The following FAT3 variants were observed in gnomAD, a reference collection of about 807,000 sequenced individuals.
The protein encoded by FAT3 is FAT atypical cadherin 3, also known as protocadherin Fat 3.
A neutral mutation model predicts 310.2 loss-of-function variants in FAT3; 95 were observed. That is an observed-to-expected ratio of 0.31 (90% CI 0.26 to 0.36). FAT3 has a LOEUF of 0.36. Among genes scored for constraint, FAT3 ranks in the 10% least tolerant of loss-of-function variants. FAT3 has a pLI of 1.00. For synonymous variants in FAT3, 2,314 were observed against 2,192.9 expected (o/e 1.06, Z -1.54); for missense variants, 5,408 against 5,715.6 (o/e 0.95, Z 1.74).
At chr11:92,723,033 C>T (rs1288307808) in intron 4 of FAT3, among the ~76,000 whole-genome samples, 1 of 152,214 alleles carries the variant, frequency 6.6e-6, no homozygotes, top group Non-Finnish European at 1.5e-5. Context: ...TAACATTCAG[C>T]TCCTTGTTGC....
At chr11:92,774,207 G>A in intron 7 of FAT3, 27 bp downstream of exon 7, 2 of 1,582,290 alleles carry the variant, frequency 1.3e-6, no homozygotes, top group Non-Finnish European at 1.7e-6. Context: ...CTGAATAGCA[G>A]GAATGCTGAA....
rs12224019 is a variant in FAT3, at chr11:92,264,166, T to A, written c.-18+38992T>A. ...TTGTTGACTTTGGCTAATTTAATGA[T>A]ATAAATGATAAATAATAGAAATCAG... On this transcript the variant is annotated intron_variant, in intron 1 of 27. Coordinates refer to ENST00000525166, the MANE Select transcript of FAT3 (RefSeq NM_001367949.2). Among the ~76,000 whole-genome samples, 60 of 152,218 alleles carry A rather than the reference T, an allele frequency of 3.9e-4. 1 individual carries two copies. The East Asian group carries it at 7.2e-3, about 18-fold the overall frequency.
intron 1 of FAT3, among the ~76,000 whole-genome samples, chr11:92,249,004 A>G (rs184249852): frequency 1.6e-3 from 236 of 152,254 alleles, no homozygotes; most frequent in African/African-American, 5.2e-3. Context: ...CTAGAATCCA[A>G]TATTCTAACA....
intron 1 of FAT3, among the ~76,000 whole-genome samples, chr11:92,293,066 AAGGAAGGAAG>A (rs1946736475): frequency 6.9e-6 from 1 of 143,910 alleles, no homozygotes; most frequent in Non-Finnish European, 1.5e-5. Context: ...GGAAGGAAGG[AAGGAAGGAAG>A]GAAAGAAGGA....
chr11:92,633,069 T>A (rs1407110184), intron 3 of FAT3, among the ~76,000 whole-genome samples: 1 of 152,216 alleles, frequency 6.6e-6, no homozygotes, highest in Non-Finnish European at 1.5e-5. Flanking sequence ...AGTGGTATGT[T>A]CCTGGTTCTT....
chr11:92,485,157 GTAGACAA>G (rs1301758333), intron 2 of FAT3, among the ~76,000 whole-genome samples: 2 of 152,226 alleles, frequency 1.3e-5, no homozygotes, highest in Non-Finnish European at 1.5e-5. Flanking sequence ...ATGTGCCGTG[GTAGACAA>G]TAATGTAATG....
Position 92,762,079 on chromosome 11 carries a change from G to A in FAT3, c.3893G>A (p.Gly1298Glu), listed in dbSNP as rs1005783461. 6.2e-7 allele frequency: 1 copy of A among 1,613,854 alleles called. No homozygotes were observed. The highest frequency in any genetic ancestry group is 1.3e-5 in the African/African-American group (1 of 74,918). The change falls in exon 5 of 28, where the codon GGG becomes GAG. Residue 1298 changes from glycine (G) to glutamate (E), a missense_variant. Gly to Glu is a moderately conservative substitution (Grantham distance 98). Around this residue, in one of 5 missense-constraint regions of FAT3, gnomAD observed 4,588 missense variants for 4,809.8 expected, o/e 0.95. Coordinates refer to ENST00000525166, the MANE Select transcript of FAT3 (RefSeq NM_001367949.2). ...GAAATCTCCTACAGTATTGTGGATG[G>A]GAATGATGACGGAAAGTTCTTTATT... ...NAEISYSIVD[G>E]NDDGKFFIDP...
At chr11:92,688,908 G>A (rs1338572728) in intron 3 of FAT3, among the ~76,000 whole-genome samples, 2 of 152,178 alleles carry the variant, frequency 1.3e-5, no homozygotes, top group African/African-American at 4.8e-5. Flanking sequence ...TCTGTCAGAT[G>A]ACAGAGTGAG....
chr11:92,840,844 T>G, intron 18 of FAT3, 85 bp downstream of exon 18: 1 of 1,302,766 alleles, frequency 7.7e-7, no homozygotes, highest in Non-Finnish European at 1.0e-6. Context: ...TTTTCTTTGC[T>G]GAGTAAGTCA....
intron 1 of FAT3, among the ~76,000 whole-genome samples, chr11:92,240,178 A>AG (rs1864616555): frequency 6.6e-6 from 1 of 151,916 alleles, no homozygotes; most frequent in Non-Finnish European, 1.5e-5. Context: ...TGCATGTTCA[A>AG]GGAGGTTTTT....
At chr11:92,789,812 C>G (rs1565594636) in intron 7 of FAT3, 131 bp from the exon 8 acceptor site, 2 of 830,114 alleles carry the variant, frequency 2.4e-6, no homozygotes, top group Non-Finnish European at 3.7e-6. Context: ...TGAGTTTCCT[C>G]TGTGTTGCAA....
chr11:92,423,781 TA>T (rs2134990416), intron 2 of FAT3, among the ~76,000 whole-genome samples: 1 of 152,310 alleles, frequency 6.6e-6, no homozygotes, highest in South Asian at 2.1e-4. Flanking sequence ...GAGTTTATGT[TA>T]CAGTCTTGAG....
At chr11:92,878,630 G>C (rs1224207347) in intron 22 of FAT3, among the ~76,000 whole-genome samples, 1 of 65,316 alleles carries the variant, frequency 1.5e-5, no homozygotes, top group Non-Finnish European at 2.7e-5. Context: ...AGGATGTTAT[G>C]TGTTAAAAAA....
Position 92,434,061 on chromosome 11 carries a change from G to A in FAT3, c.3292+78657G>A, listed in dbSNP as rs1591285576. Among the ~76,000 whole-genome samples the A allele has an allele frequency of 3.3e-5, 5 of 151,236 alleles. No individual in the cohort carries two copies. In the South Asian group the frequency reaches 1.0e-3, roughly 32 times the overall value. On this transcript the variant is annotated intron_variant, in intron 2 of 27. Transcript: ENST00000525166. ...ACCATCACTGTGGATTGAGAGGGTTGAACTTCAGAGGATGCTGATCAGAGG... is the reference window on the plus strand; with the variant it reads ...ACCATCACTGTGGATTGAGAGGGTTAAACTTCAGAGGATGCTGATCAGAGG...
In FAT3 at chr11:92,250,659, G is replaced by C. The variant is rs578189282; in HGVS notation, c.-18+25485G>C. 9.9e-5 allele frequency among the ~76,000 whole-genome samples: 15 copies of C among 152,230 alleles called. No individual in the cohort carries two copies. The South Asian group carries it at 3.1e-3, about 32-fold the overall frequency. On this transcript the variant is annotated intron_variant, in intron 1 of 27. Transcript: ENST00000525166. ...CATTCAAGAATGTCTGTAATTAATA[G>C]AGCTGACTTCTGAAGAGCTGCTAAA...
At chr11:92,490,878 A>T (rs1269971952) in intron 2 of FAT3, among the ~76,000 whole-genome samples, 1 of 152,196 alleles carries the variant, frequency 6.6e-6, no homozygotes, top group African/African-American at 2.4e-5. Flanking sequence ...ACCTTACAAG[A>T]TAGCTAAAAT....
chr11:92,356,395 T>A (rs1300145456), intron 2 of FAT3, among the ~76,000 whole-genome samples: 1 of 152,202 alleles, frequency 6.6e-6, no homozygotes, highest in Non-Finnish European at 1.5e-5. Flanking sequence ...TGTAGAGTGC[T>A]TTTTTCCCCT....
Position 92,805,274 on chromosome 11 carries a change from T to A in FAT3, c.9018T>A (p.Asp3006Glu). ...DIYFLNITAT[D>E]GLFVTQAMVE... ...ACTTTCTCAATATCACTGCCACTGA[T>A]GGGCTTTTTGTCACACAGGCCATGG... Residue 3006 changes from aspartate (D) to glutamate (E), a missense_variant, in exon 11 of 28, where the codon GAT becomes GAA. Physicochemically the swap from Asp to Glu is conservative, Grantham distance 45. Transcript: ENST00000525166. 6.2e-7 allele frequency: 1 copy of A among 1,613,918 alleles called. No individual in the cohort carries two copies. Among genetic ancestry groups the A allele is most frequent in the Non-Finnish European group, 8.5e-7 (1 of 1,179,836 alleles).
intron 1 of FAT3, among the ~76,000 whole-genome samples, chr11:92,321,368 C>T (rs1031892345): frequency 3.9e-4 from 59 of 151,290 alleles, no homozygotes; most frequent in African/African-American, 1.0e-3. Flanking sequence ...ACCCGAGAGG[C>T]GGAGCTTGCA....
Sources: allele counts gnomAD v4.1 joint callset (sites outside exome capture counted in the v4.1 genomes callset), GRCh38; gene constraint gnomAD v4.1.1; regional missense constraint gnomAD v4.1.1; transcripts MANE v1.5; gene names NCBI Gene and HGNC (gene_info 2026-07-23, HGNC 2026-07-21).